The following COG5 variants were observed in gnomAD, a reference collection of about 807,000 sequenced individuals.
COG5 encodes the protein component of oligomeric golgi complex 5.
Under a neutral mutation model 110.4 loss-of-function variants are expected in COG5, and 86 were observed. The ratio of observed to expected loss-of-function variants is 0.78; its 90% CI spans 0.65 to 0.93. The LOEUF (loss-of-function observed/expected upper bound fraction) is 0.93. COG5 is among the 40% of genes least tolerant of loss of function. The pLI is 0.00. For missense variants in COG5, 1,077 were observed against 987.0 expected (o/e 1.09, Z -1.22); for synonymous variants, 360 against 334.6 (o/e 1.08, Z -0.83).
At chr7:107,278,785 C>G (rs1240574510) in intron 14 of COG5, among the ~76,000 whole-genome samples, 2 of 152,076 alleles carry the variant, frequency 1.3e-5, no homozygotes, top group African/African-American at 4.8e-5. Flanking sequence ...CAAAAATTAA[C>G]TCAAGATGGA....
At chr7:107,351,657 A>C (rs1261235998) in intron 10 of COG5, among the ~76,000 whole-genome samples, 2 of 152,254 alleles carry the variant, frequency 1.3e-5, no homozygotes, top group Non-Finnish European at 1.5e-5. Context: ...AAAGGATACG[A>C]ACAGACACTT....
chr7:107,508,247 C>T (rs570194450), intron 6 of COG5, among the ~76,000 whole-genome samples: 14 of 152,358 alleles, frequency 9.2e-5, no homozygotes, highest in African/African-American at 2.4e-4. Context: ...GCACCTGGCT[C>T]GGAGGGTCCT....
At chr7:107,282,082 A>G (rs558396688) in intron 13 of COG5, among the ~76,000 whole-genome samples, 26 of 152,176 alleles carry the variant, frequency 1.7e-4, no homozygotes, top group Middle Eastern at 3.4e-3. Context: ...AGAAACCCAT[A>G]TACAGATGGA....
chr7:107,475,686 A>G, intron 6 of COG5: 1 of 196,296 alleles, frequency 5.1e-6, no homozygotes, highest in Non-Finnish European at 1.1e-5. Context: ...TGTAACTGAC[A>G]TAGGTATCCT....
intron 1 of COG5, among the ~76,000 whole-genome samples, chr7:107,561,399 C>T (rs879552951): frequency 1.3e-5 from 2 of 152,162 alleles, no homozygotes; most frequent in African/African-American, 4.8e-5. Context: ...TCAGAACAAA[C>T]TGAACTGACA....
intron 6 of COG5, among the ~76,000 whole-genome samples, chr7:107,438,027 T>C (rs1794469728): frequency 6.6e-6 from 1 of 152,148 alleles, no homozygotes; most frequent in African/African-American, 2.4e-5. Flanking sequence ...ACCTCTTCCT[T>C]CTTTTCCTAC....
chr7:107,376,759 T>C (rs949853285), intron 7 of COG5, among the ~76,000 whole-genome samples: 1 of 152,040 alleles, frequency 6.6e-6, no homozygotes, highest in Non-Finnish European at 1.5e-5. Context: ...CCTTAAATAT[T>C]TCACCATCGA....
At chr7:107,366,399 G>C (rs887144468) in intron 8 of COG5, among the ~76,000 whole-genome samples, 3 of 152,056 alleles carry the variant, frequency 2.0e-5, no homozygotes, top group Non-Finnish European at 4.4e-5. Flanking sequence ...GGAAAACAGA[G>C]AATATCTGAT....
intron 14 of COG5, among the ~76,000 whole-genome samples, chr7:107,263,129 T>C (rs1001957387): frequency 6.6e-6 from 1 of 152,172 alleles, no homozygotes; most frequent in Non-Finnish European, 1.5e-5. Flanking sequence ...TTTTGCTCCA[T>C]TTGGGTTGTG....
intron 6 of COG5, among the ~76,000 whole-genome samples, chr7:107,461,192 T>C (rs1329819741): frequency 6.6e-6 from 1 of 152,064 alleles, no homozygotes; most frequent in Non-Finnish European, 1.5e-5. Flanking sequence ...AAAAGATTTT[T>C]TAAAAATAAT....
At chr7:107,414,145 A>G (rs533080881) in intron 6 of COG5, among the ~76,000 whole-genome samples, 2 of 152,244 alleles carry the variant, frequency 1.3e-5, no homozygotes, top group African/African-American at 2.4e-5. Context: ...TAGAACAATG[A>G]AAGTATTAAA....
chr7:107,503,424 G>A lies in COG5; in HGVS notation c.538+23813C>T, dbSNP rs116295215. Among the ~76,000 whole-genome samples the A allele has an allele frequency of 4.5e-3, 692 of 152,224 alleles. 6 individuals carry two copies. Among genetic ancestry groups the A allele is most frequent in the African/African-American group, 0.016 (669 of 41,550 alleles). On this transcript the variant is annotated intron_variant, in intron 6 of 21. Transcript: ENST00000297135. ...ATACAGCCTTGTAGTATAACTAAGA[G>A]TCCAGTAATATGATGCCTCCAGATG...
chr7:107,304,324 C>T (rs2116951833), intron 11 of COG5, among the ~76,000 whole-genome samples: 1 of 152,232 alleles, frequency 6.6e-6, no homozygotes, highest in Non-Finnish European at 1.5e-5. Flanking sequence ...CTTCCCTAGC[C>T]CTGAACACTG....
intron 10 of COG5, among the ~76,000 whole-genome samples, chr7:107,358,645 A>C (rs1480398831): frequency 6.6e-6 from 1 of 152,306 alleles, no homozygotes; most frequent in East Asian, 1.9e-4. Context: ...CACTGTACCT[A>C]AACTGTCTGT....
At chr7:107,261,185 T>C (rs1169685135) in intron 14 of COG5, among the ~76,000 whole-genome samples, 1 of 152,112 alleles carries the variant, frequency 6.6e-6, no homozygotes, top group African/African-American at 2.4e-5. Context: ...TGTGTATAAG[T>C]GGACCTATGC....
intron 11 of COG5, among the ~76,000 whole-genome samples, chr7:107,303,004 T>C (rs1159047928): frequency 6.6e-6 from 1 of 152,236 alleles, no homozygotes; most frequent in African/African-American, 2.4e-5. Context: ...GGACAATGCC[T>C]TTTTTCTTCA....
intron 16 of COG5, among the ~76,000 whole-genome samples, chr7:107,255,627 T>C (rs1802826650): frequency 6.6e-6 from 1 of 152,140 alleles, no homozygotes; most frequent in Non-Finnish European, 1.5e-5. Flanking sequence ...ATCTCAATTT[T>C]AAAACTCTCC....
At chr7:107,324,419 C>T (rs746360251) in intron 11 of COG5, 21 bp downstream of exon 11, 2 of 1,431,764 alleles carry the variant, frequency 1.4e-6, no homozygotes, top group Admixed American at 3.4e-5. Flanking sequence ...AATTAATTTT[C>T]AAAATAAGTA....
At chr7:107,552,951 C>A (rs1584960142) in intron 3 of COG5, among the ~76,000 whole-genome samples, 1 of 152,078 alleles carries the variant, frequency 6.6e-6, no homozygotes, top group East Asian at 1.9e-4. Context: ...GAAACTATGT[C>A]CTATATAGCA....
Sources: allele counts gnomAD v4.1 joint callset (sites outside exome capture counted in the v4.1 genomes callset), GRCh38; gene constraint gnomAD v4.1.1; transcripts MANE v1.5; gene names NCBI Gene and HGNC (gene_info 2026-07-23, HGNC 2026-07-21).